Variants in PAGE2B observed in about 807,000 individuals in gnomAD.
PAGE2B encodes PAGE family member 2B.
A neutral mutation model predicts 7.6 loss-of-function variants in PAGE2B; 5 were observed. That is an observed-to-expected ratio of 0.66 (90% CI 0.34 to 1.38). The LOEUF is 1.38. Ranked by LOEUF, PAGE2B falls within the 40% of genes most tolerant of loss-of-function variation. The pLI, the probability that PAGE2B is intolerant of heterozygous loss-of-function variation, is 0.04. For synonymous variants in PAGE2B, 29 were observed against 26.7 expected (o/e 1.09, Z -0.27); for missense variants, 70 against 78.4 (o/e 0.89, Z 0.41).
the PAGE2B span, among the ~76,000 whole-genome samples, chrX:55,042,463 G>A: frequency 9.3e-6 from 1 of 108,020 alleles, no homozygotes; most frequent in African/African-American, 3.4e-5. Context: ...GACCATCCTG[G>A]CTAAAGCGGT....
the PAGE2B span, among the ~76,000 whole-genome samples, chrX:55,049,368 T>A: frequency 8.9e-6 from 1 of 112,080 alleles, no homozygotes; most frequent in Non-Finnish European, 1.9e-5. Flanking sequence ...TTGGAATAGT[T>A]TCAGAAGGAA....
chrX:55,041,926 A>T, the PAGE2B span, among the ~76,000 whole-genome samples: 1 of 111,842 alleles, frequency 8.9e-6, no homozygotes, highest in East Asian at 2.8e-4. Flanking sequence ...AAAGCCATCT[A>T]TGATAGATCC....
chrX:55,062,392 G>A, the PAGE2B span, among the ~76,000 whole-genome samples: 1 of 111,862 alleles, frequency 8.9e-6, no homozygotes, highest in Non-Finnish European at 1.9e-5. Context: ...CTATTTGTAT[G>A]TCTTCTTTTG....
At chrX:55,055,215 G>C in the PAGE2B span, 3 of 109,536 alleles carry the variant, frequency 2.7e-5, no homozygotes, top group Admixed American at 9.8e-5. Flanking sequence ...AAATTAGCCA[G>C]GCATGGTGCT....
chrX:55,060,216 C>A, the PAGE2B span, among the ~76,000 whole-genome samples: 1 of 111,094 alleles, frequency 9.0e-6, no homozygotes, highest in East Asian at 2.8e-4. Flanking sequence ...ATCTCCTTAC[C>A]GTTTTTCATA....
At chrX:55,063,892 C>T in the PAGE2B span, among the ~76,000 whole-genome samples, 1 of 110,640 alleles carries the variant, frequency 9.0e-6, no homozygotes, top group Non-Finnish European at 1.9e-5. Flanking sequence ...TCCTTGCATC[C>T]CTGGGTTAAA....
At chrX:55,033,498 G>C in the PAGE2B span, among the ~76,000 whole-genome samples, 1 of 111,613 alleles carries the variant, frequency 9.0e-6, no homozygotes, top group Admixed American at 9.5e-5. Context: ...GTAGTCTGGA[G>C]GGAGAAGTAA....
At chrX:55,065,003 GA>G in the PAGE2B span, among the ~76,000 whole-genome samples, 589 of 111,033 alleles carry the variant, frequency 5.3e-3, 5 homozygotes, top group African/African-American at 0.018. Flanking sequence ...ATGCGCTAAG[GA>G]AAAAAAATGT....
the PAGE2B span, among the ~76,000 whole-genome samples, chrX:55,050,031 G>C: frequency 8.9e-5 from 10 of 112,183 alleles, no homozygotes; most frequent in South Asian, 3.7e-3. Flanking sequence ...TGGTTTCAAA[G>C]ACCATCTTTA....
the PAGE2B span, among the ~76,000 whole-genome samples, chrX:55,056,084 T>C: frequency 9.0e-6 from 1 of 111,142 alleles, no homozygotes; most frequent in Non-Finnish European, 1.9e-5. Context: ...TGAGTATGAG[T>C]AGAGACACCT....
the PAGE2B span, among the ~76,000 whole-genome samples, chrX:55,036,782 C>G: frequency 3.7e-5 from 4 of 109,094 alleles, no homozygotes; most frequent in Non-Finnish European, 5.7e-5. Context: ...ACAAACCTGA[C>G]AAAAACAAGC....
chrX:55,070,949 C>T (rs1467933584), upstream of PAGE2B, among the ~76,000 whole-genome samples: 1 of 111,245 alleles, frequency 9.0e-6, no homozygotes, highest in African/African-American at 3.3e-5. Context: ...GATGGGTCTC[C>T]TGAACACAGC....
chrX:55,063,629 G>T, the PAGE2B span, among the ~76,000 whole-genome samples: 1 of 110,873 alleles, frequency 9.0e-6, no homozygotes, highest in African/African-American at 3.3e-5. Flanking sequence ...GAGAATCCTT[G>T]TTCCAGTTCT....
the PAGE2B span, chrX:55,045,093 T>G: frequency 8.9e-6 from 1 of 112,299 alleles, no homozygotes; most frequent in Non-Finnish European, 1.9e-5. Context: ...GAATAAGAAT[T>G]GAATTCTGCC....
chrX:55,052,325 C>G, the PAGE2B span, among the ~76,000 whole-genome samples: 12 of 112,485 alleles, frequency 1.1e-4, no homozygotes, highest in Admixed American at 2.8e-4. Context: ...AACCACTACT[C>G]TCTTCAAAGC....
At chrX:55,037,817 C>T in the PAGE2B span, among the ~76,000 whole-genome samples, 9 of 101,491 alleles carry the variant, frequency 8.9e-5, no homozygotes, top group Admixed American at 7.9e-4. Context: ...AACCAAACAC[C>T]GCATGTTCTC....
the PAGE2B span, among the ~76,000 whole-genome samples, chrX:55,030,536 C>T: frequency 9.0e-6 from 1 of 110,575 alleles, no homozygotes; most frequent in East Asian, 2.8e-4. Flanking sequence ...ATTAAGCCAT[C>T]GTTCTTGATA....
the PAGE2B span, among the ~76,000 whole-genome samples, chrX:55,053,265 C>T: frequency 9.0e-6 from 1 of 111,682 alleles, no homozygotes; most frequent in Non-Finnish European, 1.9e-5. Context: ...CAAACTAACA[C>T]AGGAACAAAA....
At chrX:55,045,300 C>T in the PAGE2B span, among the ~76,000 whole-genome samples, 1 of 111,316 alleles carries the variant, frequency 9.0e-6, no homozygotes, top group Non-Finnish European at 1.9e-5. Flanking sequence ...GAACTCTCCC[C>T]CAGGAAGAAC....
Sources: gnomAD v4.1 joint callset for allele counts (sites outside exome capture counted in the v4.1 genomes callset) on GRCh38, gnomAD v4.1.1 for gene constraint, MANE v1.5 for transcripts, NCBI Gene and HGNC (gene_info 2026-07-23, HGNC 2026-07-21) for gene names.